The following ENPP6 variants were observed in gnomAD, a reference collection of about 807,000 sequenced individuals.
ENPP6 encodes the protein glycerophosphocholine cholinephosphodiesterase ENPP6.
Under a neutral mutation model 42.0 loss-of-function variants are expected in ENPP6, and 32 were observed. The ratio of observed to expected loss-of-function variants is 0.76; its 90% CI spans 0.58 to 1.02. The LOEUF (loss-of-function observed/expected upper bound fraction) is 1.02, where lower values mean the gene tolerates loss of function less well. ENPP6 is among the 50% of genes least tolerant of loss of function. ENPP6 has a pLI of 0.00. For missense variants in ENPP6, 552 were observed against 566.8 expected, an observed-to-expected ratio of 0.97 and a Z score of 0.27; for synonymous variants, 213 against 216.0, an observed-to-expected ratio of 0.99 and a Z score of 0.12.
chr4:184,207,943 G>A (rs576311774), intron 1 of ENPP6, among the ~76,000 whole-genome samples: 2 of 152,252 alleles, frequency 1.3e-5, no homozygotes, highest in East Asian at 3.9e-4. Flanking sequence ...CTGCACGTGC[G>A]CATGCCTGTG....
intron 1 of ENPP6, among the ~76,000 whole-genome samples, chr4:184,168,837 G>A (rs527413217): frequency 6.1e-4 from 93 of 152,316 alleles, no homozygotes; most frequent in African/African-American, 2.1e-3. Flanking sequence ...GCGAGCCTCG[G>A]GGCCTTGAAC....
At position 184,137,955 on chromosome 4, in the gene ENPP6, C is replaced by T. The variant is rs894286316; in HGVS notation, c.422-13683G>A. Among the ~76,000 whole-genome samples the T allele has an allele frequency of 6.6e-5, 10 of 152,346 alleles. No individual in the cohort carries two copies. The East Asian group carries it at 1.7e-3, about 26-fold the overall frequency. Reference sequence around the variant, plus strand: ...ACATGCACACATGCATGCAGGCCAGCAGCTTTTCTAGTTGTTCCTGGAGAG... The same window carrying T: ...ACATGCACACATGCATGCAGGCCAGTAGCTTTTCTAGTTGTTCCTGGAGAG... On this transcript the variant is annotated intron_variant, in intron 2 of 7. Transcript: ENST00000296741.
At chr4:184,199,359 G>A (rs1732856000) in intron 1 of ENPP6, among the ~76,000 whole-genome samples, 1 of 152,212 alleles carries the variant, frequency 6.6e-6, no homozygotes, top group East Asian at 1.9e-4. Context: ...TTCCAGGCTA[G>A]GCCCATGGTC....
chr4:184,162,431 A>C (rs1737275979), intron 1 of ENPP6, among the ~76,000 whole-genome samples: 1 of 152,220 alleles, frequency 6.6e-6, no homozygotes, highest in Non-Finnish European at 1.5e-5. Flanking sequence ...AACTTCAATA[A>C]TCTATTAAAT....
At chr4:184,208,156 C>T (rs796111897) in intron 1 of ENPP6, among the ~76,000 whole-genome samples, 4 of 152,162 alleles carry the variant, frequency 2.6e-5, no homozygotes, top group African/African-American at 9.6e-5. Context: ...TAGTGGGCAC[C>T]CATTCGCGAG....
At chr4:184,183,773 A>T (rs1732591615) in intron 1 of ENPP6, among the ~76,000 whole-genome samples, 1 of 152,216 alleles carries the variant, frequency 6.6e-6, no homozygotes, top group Non-Finnish European at 1.5e-5. Context: ...CTGTCCTTCC[A>T]CTGTGAACAG....
At chr4:184,109,226 AC>A (rs1403137585) in intron 6 of ENPP6, among the ~76,000 whole-genome samples, 1 of 140,048 alleles carries the variant, frequency 7.1e-6, no homozygotes, top group African/African-American at 3.0e-5. Flanking sequence ...CAAAACAACA[AC>A]AACAACAAAA....
chr4:184,146,170 C>T (rs1173346059), intron 2 of ENPP6, among the ~76,000 whole-genome samples: 2 of 151,828 alleles, frequency 1.3e-5, no homozygotes, highest in African/African-American at 2.4e-5. Flanking sequence ...CAGTGGCTCA[C>T]GCCTGTAATC....
Position 184,206,840 on chromosome 4 carries a change from A to G in ENPP6, c.241+10739T>C, listed in dbSNP as rs145500478. Among the ~76,000 whole-genome samples the G allele has an allele frequency of 2.0e-5, 3 of 152,276 alleles. No homozygotes were observed. The East Asian group carries it at 5.8e-4, about 29-fold the overall frequency. Reference sequence around the variant, plus strand: ...CATCCCTGTTGTTGCCTTGATTTCCACAGAGGAGCACGATGATTCGGTCTC... The same window carrying G: ...CATCCCTGTTGTTGCCTTGATTTCCGCAGAGGAGCACGATGATTCGGTCTC... On this transcript the variant is annotated intron_variant, in intron 1 of 7. Transcript: ENST00000296741.
intron 1 of ENPP6, among the ~76,000 whole-genome samples, chr4:184,160,639 T>C (rs970627253): frequency 4.6e-5 from 7 of 152,246 alleles, no homozygotes; most frequent in Admixed American, 4.6e-4. Context: ...TATTAACTTA[T>C]ATTACTATGA....
chr4:184,090,920 A>G lies in ENPP6; in HGVS notation c.*257T>C, dbSNP rs778583856. ...AGAGAGTTCATCCTGAGTAACGTGA[A>G]AAGAAAGGAGAAAATGACATATAAC... is the stretch of plus-strand genomic sequence containing the variant. On this transcript the variant is annotated 3_prime_UTR_variant, in exon 8 of 8. Transcript: ENST00000296741. The G allele has an allele frequency of 1.3e-4, 60 of 455,018 alleles. No homozygotes were observed. The highest frequency in any genetic ancestry group is 2.1e-4 in the Non-Finnish European group (56 of 261,828). 28.2% of individuals were successfully genotyped at this position (455,018 alleles called of 1,614,324 possible).
At position 184,217,568 on chromosome 4, in the gene ENPP6, A is replaced by G; in HGVS notation, c.241+11T>C. On this transcript the variant is annotated intron_variant, in intron 1 of 7. Transcript: ENST00000296741. ...CTCCCCTCCCTGCCCAGAAGAGGAC[A>G]TGGTACTCACCAGTCATTAGGGTAT... The G allele has an allele frequency of 1.2e-6, 2 of 1,614,130 alleles. No homozygotes were observed. The highest frequency in any genetic ancestry group is 1.7e-6 in the Non-Finnish European group (2 of 1,179,964).
At chr4:184,196,939 C>A (rs1248394896) in intron 1 of ENPP6, among the ~76,000 whole-genome samples, 1 of 152,220 alleles carries the variant, frequency 6.6e-6, no homozygotes, top group Non-Finnish European at 1.5e-5. Context: ...GACCCCCCCA[C>A]AGCTAGCCAG....
At chr4:184,112,920 C>A in intron 5 of ENPP6, 111 bp from the exon 6 acceptor site, 2 of 1,217,070 alleles carry the variant, frequency 1.6e-6, no homozygotes, top group South Asian at 1.9e-5. Flanking sequence ...AAAGAAATTG[C>A]CAAATACTTG....
intron 7 of ENPP6, among the ~76,000 whole-genome samples, chr4:184,096,983 C>T (rs1579605017): frequency 6.6e-6 from 1 of 152,196 alleles, no homozygotes; most frequent in South Asian, 2.1e-4. Context: ...GAATCACAAA[C>T]ATGTGGAATA....
intron 2 of ENPP6, among the ~76,000 whole-genome samples, chr4:184,142,370 A>G (rs1025258434): frequency 4.6e-5 from 7 of 152,140 alleles, no homozygotes; most frequent in Non-Finnish European, 8.8e-5. Context: ...AAGCCAATTA[A>G]CTCTCCTAGA....
intron 2 of ENPP6, among the ~76,000 whole-genome samples, chr4:184,124,824 C>T (rs572952850): frequency 7.0e-4 from 106 of 152,308 alleles, no homozygotes; most frequent in African/African-American, 2.4e-3. Context: ...CTGAGCCGTA[C>T]CCTTGCCTGG....
At position 184,090,734 on chromosome 4, in the gene ENPP6, G is replaced by A. The variant is rs768846503; in HGVS notation, c.*443C>T. Reference sequence around the variant, plus strand: ...ATGGAAGGAACAGTACAGGATTGTGGCCACAGACACTGAGGATGGCTCCTG... The same window carrying A: ...ATGGAAGGAACAGTACAGGATTGTGACCACAGACACTGAGGATGGCTCCTG... On this transcript the variant is annotated 3_prime_UTR_variant, in exon 8 of 8. Transcript: ENST00000296741. The A allele has an allele frequency of 1.4e-4, 47 of 325,950 alleles. No homozygotes were observed. The highest frequency in any genetic ancestry group is 2.3e-4 in the Non-Finnish European group (42 of 179,600). 20.2% of individuals were successfully genotyped at this position (325,950 alleles called of 1,614,324 possible). A position where few individuals can be genotyped will look rare whatever the true frequency, so the allele number is the denominator to read the frequency against.
intron 1 of ENPP6, among the ~76,000 whole-genome samples, chr4:184,162,813 C>A (rs374551151): frequency 1.3e-5 from 2 of 151,682 alleles, no homozygotes; most frequent in East Asian, 3.9e-4. Flanking sequence ...AAGGCCCTGG[C>A]AATAAACAGG....
Sources: gnomAD v4.1 joint callset for allele counts (sites outside exome capture counted in the v4.1 genomes callset) on GRCh38, gnomAD v4.1.1 for gene constraint, MANE v1.5 for transcripts, NCBI Gene and HGNC (gene_info 2026-07-23, HGNC 2026-07-21) for gene names.